LRRC8E: variants seen among roughly 807,000 people sequenced by gnomAD.
LRRC8E encodes the protein volume-regulated anion channel subunit LRRC8E.
A neutral mutation model predicts 6.1 loss-of-function variants in LRRC8E; 6 were observed. That is an observed-to-expected ratio of 0.98 (90% CI 0.54 to 1.93). The LOEUF is 1.93. LRRC8E is among the 30% of genes most tolerant of loss of function. The pLI is 0.01. For synonymous variants in LRRC8E, 485 were observed against 472.8 expected, an observed-to-expected ratio of 1.03 and a Z score of -0.33; for missense variants, 1,028 against 1,031.4, an observed-to-expected ratio of 1.00 and a Z score of 0.04.
chr19:7,888,883 C>T (rs1981155492), intron 1 of LRRC8E, among the ~76,000 whole-genome samples: 1 of 152,172 alleles, frequency 6.6e-6, no homozygotes, highest in African/African-American at 2.4e-5. Flanking sequence ...GGGGTCTCAA[C>T]CACTTTCCCC....
intron 1 of LRRC8E, among the ~76,000 whole-genome samples, chr19:7,894,670 G>C (rs919821630): frequency 6.6e-6 from 1 of 152,198 alleles, no homozygotes; most frequent in Non-Finnish European, 1.5e-5. Context: ...ACCTGCCTGG[G>C]AGAGTGACAT....
chr19:7,899,255 G>A lies in LRRC8E; in HGVS notation c.733G>A (p.Val245Met), dbSNP rs759872884. ...GAAGGTGAAGAAGTTCCGCATGCAC[G>A]TGGAAGAGGGCGACATCCTGTACAC... is the stretch of plus-strand genomic sequence containing the variant. ...FEKVKKFRMH[V>M]EEGDILYTMY... Residue 245 changes from valine (V) to methionine (M), a missense_variant, in exon 3 of 3, where the codon GTG becomes ATG. Physicochemically the swap from Val to Met is conservative, Grantham distance 21. Coordinates refer to ENST00000306708, the MANE Select transcript of LRRC8E (RefSeq NM_025061.6). 47 of 1,614,230 alleles carry A rather than the reference G, an allele frequency of 2.9e-5. No homozygotes were observed. The South Asian group carries it at 4.3e-4, about 15-fold the overall frequency.
At chr19:7,890,744 A>G (rs567054873) in intron 1 of LRRC8E, among the ~76,000 whole-genome samples, 9 of 151,364 alleles carry the variant, frequency 5.9e-5, no homozygotes, top group East Asian at 5.9e-4. Flanking sequence ...AGCCGAGATC[A>G]CACCACTGCA....
intron 1 of LRRC8E, among the ~76,000 whole-genome samples, chr19:7,890,999 A>G (rs1018307664): frequency 2.0e-5 from 3 of 152,224 alleles, no homozygotes; most frequent in Non-Finnish European, 4.4e-5. Flanking sequence ...GCCTGGCAAG[A>G]TGCTGCATTT....
At chr19:7,890,986 C>T (rs891089511) in intron 1 of LRRC8E, among the ~76,000 whole-genome samples, 7 of 152,226 alleles carry the variant, frequency 4.6e-5, no homozygotes, top group Admixed American at 1.3e-4. Context: ...CGTGAGCCAC[C>T]GTGCCTGGCA....
chr19:7,899,426 A>C lies in LRRC8E; in HGVS notation c.904A>C (p.Asn302His). The C allele has an allele frequency of 3.7e-6, 6 of 1,614,166 alleles. No individual in the cohort carries two copies. The highest frequency in any genetic ancestry group is 5.1e-6 in the Non-Finnish European group (6 of 1,180,032). The change falls in exon 3 of 3, where the codon AAC (asparagine) becomes CAC (histidine). Residue 302 changes from asparagine to histidine, a missense_variant. Transcript: ENST00000306708. ...EVTGYASFCC[N>H]HTKAHLFSKL... is the part of the protein sequence containing the mutation. ...CACGGGCTACGCCAGCTTCTGCTGC[A>C]ACCACACCAAGGCCCACCTCTTCTC...
At position 7,899,714 on chromosome 19, in the gene LRRC8E, C is replaced by T. The variant is rs1015920561; in HGVS notation, c.1192C>T (p.Leu398Phe). The T allele has an allele frequency of 6.8e-6, 11 of 1,613,210 alleles. No homozygotes were observed. Among genetic ancestry groups the T allele is most frequent in the African/African-American group, 1.3e-5 (1 of 74,946 alleles). The change falls in exon 3 of 3, where the codon CTC becomes TTC. Residue 398 changes from leucine (L) to phenylalanine (F), a missense_variant. Physicochemically the swap from Leu to Phe is conservative, Grantham distance 22. Transcript: ENST00000306708. ...CGAAAGCCGTCTAAAGCAGCTCAATCTCAACCACGAGTGGACGCCCGAGAA... is the reference window on the plus strand; with the variant it reads ...CGAAAGCCGTCTAAAGCAGCTCAATTTCAACCACGAGTGGACGCCCGAGAA... ...VSESRLKQLN[L>F]NHEWTPEKLR...
chr19:7,890,617 G>A (rs532282803), intron 1 of LRRC8E, among the ~76,000 whole-genome samples: 14 of 151,938 alleles, frequency 9.2e-5, no homozygotes, highest in East Asian at 7.8e-4. Flanking sequence ...GTGAAACCCC[G>A]TCTCTACTAA....
Position 7,895,941 on chromosome 19 carries a change from CTTTT to C in LRRC8E, c.138+204_138+207del, listed in dbSNP as rs796566513. Among the ~76,000 whole-genome samples the C allele has an allele frequency of 1.3e-5, 2 of 152,096 alleles. No individual in the cohort carries two copies. Among genetic ancestry groups the C allele is most frequent in the Non-Finnish European group, 2.9e-5 (2 of 68,000 alleles). ...CCCACATTGCTATGCCATTCCATAT[CTTTT>C]TTTCTTTTTTGAGACGGAGTCTCAC... On this transcript the variant is annotated intron_variant, in intron 2 of 2. Coordinates refer to ENST00000306708, the MANE Select transcript of LRRC8E (RefSeq NM_025061.6). This position sits in a 1 kb window ranked among gnomAD's most constrained non-coding sequence, Gnocchi z 4.7.
At chr19:7,891,617 G>GT (rs1234322188) in intron 1 of LRRC8E, among the ~76,000 whole-genome samples, 2 of 151,426 alleles carry the variant, frequency 1.3e-5, no homozygotes, top group Non-Finnish European at 1.5e-5. Context: ...GTTTTGTTTT[G>GT]TTTTTTTGAG....
intron 1 of LRRC8E, among the ~76,000 whole-genome samples, chr19:7,890,987 G>A (rs920692459): frequency 6.6e-6 from 1 of 152,074 alleles, no homozygotes; most frequent in Non-Finnish European, 1.5e-5. Flanking sequence ...GTGAGCCACC[G>A]TGCCTGGCAA....
Position 7,899,767 on chromosome 19 carries a change from C to T in LRRC8E, c.1245C>T (p.Ala415=), listed in dbSNP as rs1981847728. The T allele has an allele frequency of 1.9e-6, 3 of 1,610,956 alleles. No individual in the cohort carries two copies. Among genetic ancestry groups the T allele is most frequent in the Non-Finnish European group, 2.5e-6 (3 of 1,180,002 alleles). The part of the protein sequence containing the change: ...EKLRQKLQRN[A]AGRLELALCM... ...TTCGACAGAAGCTGCAGCGCAATGC[C>T]GCGGGCCGGCTGGAGCTGGCCCTCT... The change falls in exon 3 of 3, where the codon GCC becomes GCT. Residue 415 remains alanine, a synonymous_variant. Transcript: ENST00000306708.
At position 7,895,527 on chromosome 19, in the gene LRRC8E, C is replaced by T. The variant is rs144169035; in HGVS notation, c.-5-72C>T. ...ACAGGCCTGCCTGTGTCCGGCTCCT[C>T]GGAGGACCCCCTGCAGAGCCTCCCA... On this transcript the variant is annotated intron_variant, in intron 1 of 2. Transcript: ENST00000306708. This position sits in a 1 kb window ranked among gnomAD's most constrained non-coding sequence, Gnocchi z 4.7. 7.7e-6 allele frequency: 12 copies of T among 1,564,932 alleles called. No homozygotes were observed. Among genetic ancestry groups the T allele is most frequent in the African/African-American group, 4.0e-5 (3 of 74,178 alleles).
In LRRC8E at chr19:7,898,725, CG is replaced by C. The variant is rs1379658071; in HGVS notation, c.204del (p.Cys69AlafsTer119). 3.1e-6 allele frequency: 5 copies of C among 1,613,812 alleles called. No individual in the cohort carries two copies. Among genetic ancestry groups the C allele is most frequent in the Non-Finnish European group, 4.2e-6 (5 of 1,179,942 alleles). On this transcript the variant is annotated frameshift_variant, in exon 3 of 3. Transcript: ENST00000306708. LOFTEE classifies it low-confidence loss of function (END_TRUNC). The part of the protein sequence containing the change: ...HELQENLSEA[P>X]CQQLLPRGIP... ...CTCCAGGAGAACTTATCAGAGGCCCCGTGCCAGCAATTGCTGCCTCGGGGGA... is the reference window on the plus strand; with the variant it reads ...CTCCAGGAGAACTTATCAGAGGCCCCTGCCAGCAATTGCTGCCTCGGGGGA...
rs1409960101 is a variant in LRRC8E at position 7,901,669 on chromosome 19, G to A, written c.*756G>A. ...AATGCAGGAGGATGGTTGAGCTCAG[G>A]AGTTCGAGATCAGCCTGGGTAACAT... On this transcript the variant is annotated 3_prime_UTR_variant, in exon 3 of 3. Coordinates refer to ENST00000306708, the MANE Select transcript of LRRC8E (RefSeq NM_025061.6). 6.6e-6 allele frequency: 1 copy of A among 151,096 alleles called. No homozygotes were observed. The highest frequency in any genetic ancestry group is 1.5e-5 in the Non-Finnish European group (1 of 67,938). The allele number at this position is 151,096 out of a possible 1,614,324, so 9.4% of individuals were successfully genotyped here.
At chr19:7,890,661 C>G (rs1168889382) in intron 1 of LRRC8E, among the ~76,000 whole-genome samples, 11 of 151,792 alleles carry the variant, frequency 7.2e-5, no homozygotes. Flanking sequence ...AGGTGGCGGG[C>G]GCCTGTAGTC....
In LRRC8E at chr19:7,899,514, T is replaced by C. The variant is rs1337465438; in HGVS notation, c.992T>C (p.Leu331Pro). The C allele has an allele frequency of 6.2e-7, 1 of 1,614,064 alleles. No homozygotes were observed. The highest frequency in any genetic ancestry group is 1.1e-5 in the South Asian group (1 of 91,092). Residue 331 changes from leucine to proline, a missense_variant, in exon 3 of 3, where the codon CTC becomes CCC. Physicochemically the swap from Leu to Pro is moderately conservative, Grantham distance 98 (BLOSUM62 -3). Transcript: ENST00000306708. ...CIYGLTCIYT[L>P]YWLFHRPLKE... The stretch of plus-strand genomic sequence containing the variant: ...TACGGACTTACCTGCATCTACACGC[T>C]CTACTGGCTCTTCCACCGGCCCCTC...
At chr19:7,894,703 A>C (rs1412984873) in intron 1 of LRRC8E, among the ~76,000 whole-genome samples, 1 of 152,176 alleles carries the variant, frequency 6.6e-6, no homozygotes, top group African/African-American at 2.4e-5. Context: ...CCCACGCCCC[A>C]GTGTGATTTG....
rs1253078384 is a variant in LRRC8E, at chr19:7,901,928, G to A, written c.*1015G>A. 6.6e-6 allele frequency: 1 copy of A among 152,150 alleles called. No individual in the cohort carries two copies. Among genetic ancestry groups the A allele is most frequent in the African/African-American group, 2.4e-5 (1 of 41,426 alleles). The allele number at this position is 152,150 out of a possible 1,614,324, so 9.4% of individuals were successfully genotyped here. On this transcript the variant is annotated 3_prime_UTR_variant, in exon 3 of 3. Coordinates refer to ENST00000306708, the MANE Select transcript of LRRC8E (RefSeq NM_025061.6). ...GGTGGACTGCAGGGTTAGGACACCT[G>A]CTATAGAGGTGACATTTTTCCAAGG...
Sources: gnomAD v4.1 joint callset for allele counts (sites outside exome capture counted in the v4.1 genomes callset) on GRCh38, gnomAD v4.1.1 for gene constraint, Gnocchi (gnomAD v3.1) non-coding constraint, MANE v1.5 for transcripts, NCBI Gene and HGNC (gene_info 2026-07-23, HGNC 2026-07-21) for gene names.